ZNF596: variants seen among roughly 807,000 people sequenced by gnomAD.
The protein encoded by ZNF596 is zinc finger protein 596.
A neutral mutation model predicts 48.3 loss-of-function variants in ZNF596; 45 were observed. That is an observed-to-expected ratio of 0.93 (90% confidence interval 0.73 to 1.19). The LOEUF (loss-of-function observed/expected upper bound fraction) is 1.19. Among genes scored for constraint, ZNF596 ranks in the 50% most tolerant of loss-of-function variants. The pLI, the probability that ZNF596 is intolerant of heterozygous loss-of-function variation, is 0.00. For synonymous variants in ZNF596, 270 were observed against 202.0 expected (o/e 1.34, Z -2.85); for missense variants, 848 against 599.7 (o/e 1.41, Z -4.32).
At chr8:235,731 C>G in intron 1 of ZNF596, among the ~76,000 whole-genome samples, 1 of 151,956 alleles carries the variant, frequency 6.6e-6, no homozygotes, top group Non-Finnish European at 1.5e-5. Flanking sequence ...CCTTCACGCC[C>G]TTTGATTTTA....
In ZNF596 at chr8:242,877, A is replaced by C. The variant is rs745748579; in HGVS notation, c.13-10A>C. On this transcript the variant is annotated splice_polypyrimidine_tract_variant and intron_variant, in intron 2 of 5. Coordinates refer to ENST00000398612, the MANE Select transcript of ZNF596 (RefSeq NM_001042416.3). ...GCCCTGTTTGCAGTAGAATGTCCAT[A>C]ATGTTTTAGGATTCCATGACCTTCG... The C allele has an allele frequency of 6.5e-7, 1 of 1,529,764 alleles. No homozygotes were observed. The highest frequency in any genetic ancestry group is 1.3e-5 in the South Asian group (1 of 78,976). The allele number at this position is 1,529,764 out of a possible 1,614,324, so 94.8% of individuals were successfully genotyped here.
intron 1 of ZNF596, among the ~76,000 whole-genome samples, chr8:239,206 C>A (rs976376093): frequency 6.6e-6 from 1 of 152,116 alleles, no homozygotes; most frequent in Non-Finnish European, 1.5e-5. Context: ...CCCCCACTGC[C>A]AATGCAGAGT....
chr8:233,035 G>T (rs1173077816), intron 1 of ZNF596: 1 of 468,338 alleles, frequency 2.1e-6, no homozygotes, highest in African/African-American at 2.1e-5. Context: ...TCATTGCCTC[G>T]CTGTGGATGT....
At chr8:233,539 A>G (rs1416442910) in intron 1 of ZNF596, 1 of 174,488 alleles carries the variant, frequency 5.7e-6, no homozygotes, top group Non-Finnish European at 1.2e-5. Flanking sequence ...TGATCTCTGT[A>G]TTTAATGGCT....
Position 232,570 on chromosome 8 carries a change from C to G in ZNF596, c.-197C>G, listed in dbSNP as rs1466820978. On this transcript the variant is annotated 5_prime_UTR_variant, in exon 1 of 6. Transcript: ENST00000398612. Reference sequence around the variant, plus strand: ...AGTCCCGCGACGCCCGGAAATGCTCCGAAGCCTGTCGCCCAGCTGCCAGAT... The same window carrying G: ...AGTCCCGCGACGCCCGGAAATGCTCGGAAGCCTGTCGCCCAGCTGCCAGAT... 1 of 319,128 alleles carries G rather than the reference C, an allele frequency of 3.1e-6. No homozygotes were observed. Among genetic ancestry groups the G allele is most frequent in the Non-Finnish European group, 6.4e-6 (1 of 155,702 alleles). 19.8% of individuals were successfully genotyped at this position (319,128 alleles called of 1,614,324 possible). A position where few individuals can be genotyped will look rare whatever the true frequency, so the allele number is the denominator to read the frequency against.
intron 1 of ZNF596, among the ~76,000 whole-genome samples, chr8:239,421 T>G (rs1167305492): frequency 6.6e-6 from 1 of 152,198 alleles, no homozygotes; most frequent in Admixed American, 6.5e-5. Flanking sequence ...GGTTTTGAAC[T>G]TCTGACCTCA....
Position 245,439 on chromosome 8 carries a change from CGTGT to C in ZNF596, c.598_601del (p.Cys200GlyfsTer15), listed in dbSNP as rs772195965. 6.2e-7 allele frequency: 1 copy of C among 1,614,150 alleles called. No homozygotes were observed. Among genetic ancestry groups the C allele is most frequent in the Admixed American group, 1.7e-5 (1 of 60,022 alleles). Reference sequence around the variant, plus strand: ...CACTAGAGAGATAACATTGGAATGTCGTGTGTGTGGGAAAACCTTTAGCAAAAAT... The same window carrying C: ...CACTAGAGAGATAACATTGGAATGTCGTGTGGGAAAACCTTTAGCAAAAAT... On this transcript the variant is annotated frameshift_variant, in exon 6 of 6. Coordinates refer to ENST00000398612, the MANE Select transcript of ZNF596 (RefSeq NM_001042416.3). LOFTEE classifies it high-confidence loss of function.
intron 1 of ZNF596, among the ~76,000 whole-genome samples, chr8:236,525 T>G (rs1272478088): frequency 6.6e-6 from 1 of 152,198 alleles, no homozygotes; most frequent in Non-Finnish European, 1.5e-5. Context: ...TTTTGTTAAC[T>G]GCTGAATATA....
At chr8:234,115 G>C (rs1796532545) in intron 1 of ZNF596, among the ~76,000 whole-genome samples, 1 of 152,202 alleles carries the variant, frequency 6.6e-6, no homozygotes, top group Non-Finnish European at 1.5e-5. Context: ...TGGGATTTGG[G>C]TATTCAGGAT....
Position 245,448 on chromosome 8 carries a change from G to C in ZNF596, c.601G>C (p.Gly201Arg). Residue 201 changes from glycine (G) to arginine (R), a missense_variant, in exon 6 of 6, where the codon GGG becomes CGG. Gly to Arg is a moderately radical substitution (Grantham distance 125). Transcript: ENST00000398612. ...REITLECRVC[G>R]KTFSKNSNLR... is the part of the protein sequence containing the mutation. ...GATAACATTGGAATGTCGTGTGTGT[G>C]GGAAAACCTTTAGCAAAAATTCTAA... The C allele has an allele frequency of 6.2e-7, 1 of 1,614,154 alleles. No homozygotes were observed. Among genetic ancestry groups the C allele is most frequent in the South Asian group, 1.1e-5 (1 of 91,086 alleles).
chr8:241,708 A>G (rs886668040), intron 2 of ZNF596, among the ~76,000 whole-genome samples: 1 of 152,200 alleles, frequency 6.6e-6, no homozygotes, highest in East Asian at 1.9e-4. Context: ...ACATGAAGAA[A>G]CAAAATAGAA....
chr8:245,115 TA>T (rs755148936), intron 5 of ZNF596, 38 bp from the exon 6 acceptor site: 3 of 1,529,944 alleles, frequency 2.0e-6, no homozygotes, highest in South Asian at 2.7e-5. Flanking sequence ...TGAGTGTGGA[TA>T]AACCTTTAAT....
In ZNF596 at chr8:238,031, G is replaced by A. The variant is rs143177332; in HGVS notation, c.-72-2793G>A. Among the ~76,000 whole-genome samples, 443 of 152,296 alleles carry A rather than the reference G, an allele frequency of 2.9e-3. 1 individual carries two copies. Among genetic ancestry groups the A allele is most frequent in the Middle Eastern group, 6.8e-3 (2 of 294 alleles). ...CACATAAGCCATTGCTGGCCTCCTTGGAGGACTTAGAGAATCCTGAGATTG... is the reference window on the plus strand; with the variant it reads ...CACATAAGCCATTGCTGGCCTCCTTAGAGGACTTAGAGAATCCTGAGATTG... On this transcript the variant is annotated intron_variant, in intron 1 of 5. Coordinates refer to ENST00000398612, the MANE Select transcript of ZNF596 (RefSeq NM_001042416.3).
intron 5 of ZNF596, 102 bp downstream of exon 5, chr8:244,803 C>G: frequency 1.0e-6 from 1 of 956,598 alleles, no homozygotes. Context: ...AAAGCCCTCC[C>G]AGCAGTTTTA....
chr8:246,070 G>T lies in ZNF596; in HGVS notation c.1223G>T (p.Arg408Leu). The change falls in exon 6 of 6, where the codon CGA becomes CTA. Residue 408 changes from arginine (R) to leucine (L), a missense_variant. Physicochemically the swap from Arg to Leu is moderately radical, Grantham distance 102. Coordinates refer to ENST00000398612, the MANE Select transcript of ZNF596 (RefSeq NM_001042416.3). The stretch of plus-strand genomic sequence containing the variant: ...TTCACTGAATCTTCTGACCTCAGAC[G>T]ACATGAGAGAACTCACACTGGAGAA... ...KAFTESSDLR[R>L]HERTHTGEKP... is the part of the protein sequence containing the mutation. The T allele has an allele frequency of 6.2e-7, 1 of 1,612,492 alleles. No individual in the cohort carries two copies. Among genetic ancestry groups the T allele is most frequent in the Non-Finnish European group, 8.5e-7 (1 of 1,179,504 alleles).
chr8:242,433 CTTTAT>C (rs897325669), intron 2 of ZNF596, among the ~76,000 whole-genome samples: 3 of 147,356 alleles, frequency 2.0e-5, no homozygotes, highest in Non-Finnish European at 4.4e-5. Context: ...CATAACAGGT[CTTTAT>C]TTTATTCTGA....
chr8:241,793 G>T (rs190047398), intron 2 of ZNF596, among the ~76,000 whole-genome samples: 1 of 152,146 alleles, frequency 6.6e-6, no homozygotes, highest in African/African-American at 2.4e-5. Context: ...ATGAAGAAAA[G>T]AAGTTTAACT....
chr8:245,255 G>A lies in ZNF596; in HGVS notation c.408G>A (p.Thr136=), dbSNP rs202032351. Residue 136 remains threonine (T), a synonymous_variant, in exon 6 of 6, where the codon ACG becomes ACA. Coordinates refer to ENST00000398612, the MANE Select transcript of ZNF596 (RefSeq NM_001042416.3). The stretch of plus-strand genomic sequence containing the variant: ...AAAATGTGATTACCTACATGAGAAC[G>A]AAACACTTTGTAAGCAAAAAGTTTG... The part of the protein sequence containing the change: ...LTQNVITYMR[T]KHFVSKKFGK... The A allele has an allele frequency of 4.2e-5, 68 of 1,613,888 alleles. No homozygotes were observed. Among genetic ancestry groups the A allele is most frequent in the South Asian group, 1.3e-4 (12 of 91,050 alleles).
intron 1 of ZNF596, among the ~76,000 whole-genome samples, chr8:234,193 T>C (rs1368640574): frequency 6.6e-6 from 1 of 152,190 alleles, no homozygotes; most frequent in African/African-American, 2.4e-5. Flanking sequence ...TTCTCACCCA[T>C]GACACTGTGC....
Sources: allele counts gnomAD v4.1 joint callset (sites outside exome capture counted in the v4.1 genomes callset), GRCh38; gene constraint gnomAD v4.1.1; transcripts MANE v1.5; gene names NCBI Gene and HGNC (gene_info 2026-07-23, HGNC 2026-07-21).